Variants in RFC3 observed in about 807,000 individuals in gnomAD.
The protein encoded by RFC3 is replication factor C subunit 3, also known as A1 38 kDa subunit.
A neutral mutation model predicts 45.1 loss-of-function variants in RFC3; 41 were observed. The ratio of observed to expected loss-of-function variants is 0.91; its 90% CI spans 0.71 to 1.18. RFC3 has a LOEUF of 1.18. Ranked by LOEUF, RFC3 falls within the 50% of genes most tolerant of loss-of-function variation. The probability of loss-of-function intolerance (pLI) is 0.00; values close to 1 mark genes in which losing one functional copy is unlikely to be tolerated. For synonymous variants in RFC3, 149 were observed against 144.0 expected (o/e 1.03, Z -0.25); for missense variants, 423 against 428.1 (o/e 0.99, Z 0.10).
chr13:33,899,204 C>CAAAAAAAAAAAAAA lies in RFC3; in HGVS notation c.879+63999_879+64012dup, dbSNP rs59221382. Reference sequence around the variant, plus strand: ...AAAACCAGACGAAGACACAATAAGACAAAAAAAAAAAAAAAAAAAAAAAAA... The same window carrying CAAAAAAAAAAAAAA: ...AAAACCAGACGAAGACACAATAAGACAAAAAAAAAAAAAAAAAAAAAAAAAAAAAAAAAAAAAAA... On this transcript the variant is annotated intron_variant, in intron 8 of 8. Transcript: ENST00000434425. Among the ~76,000 whole-genome samples, 180 of 51,980 alleles carry CAAAAAAAAAAAAAA rather than the reference C, an allele frequency of 3.5e-3. 1 individual carries two copies. Among genetic ancestry groups the CAAAAAAAAAAAAAA allele is most frequent in the East Asian group, 8.9e-3 (14 of 1,572 alleles). 34.1% of individuals were successfully genotyped at this position (51,980 alleles called of 152,430 possible). A position where few individuals can be genotyped will look rare whatever the true frequency, so the allele number is the denominator to read the frequency against.
At chr13:33,969,103 C>T (rs1261012166), downstream of RFC3, among the ~76,000 whole-genome samples, 1 of 152,216 alleles carries the variant, frequency 6.6e-6, no homozygotes, top group Non-Finnish European at 1.5e-5. Flanking sequence ...GACAAGTAAA[C>T]ATTTTGCAGC....
intron 8 of RFC3, among the ~76,000 whole-genome samples, chr13:33,880,260 GAC>G (rs1396769145): frequency 1.3e-5 from 2 of 152,134 alleles, no homozygotes; most frequent in East Asian, 1.9e-4. Flanking sequence ...TTATATAAAA[GAC>G]AACAGGATTC....
intron 8 of RFC3, among the ~76,000 whole-genome samples, chr13:33,949,933 G>A (rs1367248038): frequency 6.6e-6 from 1 of 151,980 alleles, no homozygotes; most frequent in African/African-American, 2.4e-5. Flanking sequence ...GCTTATCCTG[G>A]GTCTCAAGCC....
chr13:33,840,649 T>C (rs995672993), downstream of RFC3, among the ~76,000 whole-genome samples: 4 of 152,036 alleles, frequency 2.6e-5, no homozygotes, highest in African/African-American at 9.6e-5. Context: ...CAGTTGATCC[T>C]TGAACTACAG....
At chr13:33,898,971 C>T (rs1316229420) in intron 8 of RFC3, among the ~76,000 whole-genome samples, 1 of 151,364 alleles carries the variant, frequency 6.6e-6, no homozygotes, top group South Asian at 2.1e-4. Context: ...TTAAAAACCT[C>T]CACAAACCAA....
chr13:33,914,532 A>G (rs1046729564), intron 8 of RFC3, among the ~76,000 whole-genome samples: 4 of 152,148 alleles, frequency 2.6e-5, no homozygotes, highest in African/African-American at 4.8e-5. Flanking sequence ...GCTTCTGTCA[A>G]TCAAGCACAA....
At chr13:33,842,929 G>T (rs190440930) in intron 8 of RFC3, among the ~76,000 whole-genome samples, 3 of 152,204 alleles carry the variant, frequency 2.0e-5, no homozygotes, top group Admixed American at 2.0e-4. Context: ...TTGTTCATGG[G>T]ATTTGTAGTT....
chr13:33,971,091 C>A (rs894023729), downstream of RFC3, among the ~76,000 whole-genome samples: 1 of 152,108 alleles, frequency 6.6e-6, no homozygotes, highest in Non-Finnish European at 1.5e-5. Context: ...TAACAAATAT[C>A]CATTATGCAG....
intron 8 of RFC3, among the ~76,000 whole-genome samples, chr13:33,872,103 T>G (rs1454587305): frequency 3.9e-5 from 6 of 152,202 alleles, no homozygotes; most frequent in Admixed American, 1.3e-4. Flanking sequence ...TTGCCTAATA[T>G]CTACTTGTTT....
At chr13:33,897,174 A>G (rs542131676) in intron 8 of RFC3, among the ~76,000 whole-genome samples, 2 of 152,254 alleles carry the variant, frequency 1.3e-5, no homozygotes, top group African/African-American at 4.8e-5. Flanking sequence ...AAAGACAAAT[A>G]TATCAAAAAC....
At chr13:33,970,952 T>C (rs1339584260), downstream of RFC3, among the ~76,000 whole-genome samples, 2 of 152,184 alleles carry the variant, frequency 1.3e-5, no homozygotes, top group Non-Finnish European at 2.9e-5. Flanking sequence ...TACACTTAAA[T>C]GGCAACAGCC....
chr13:33,907,514 G>A (rs1259397948), intron 8 of RFC3, among the ~76,000 whole-genome samples: 2 of 151,980 alleles, frequency 1.3e-5, no homozygotes, highest in African/African-American at 2.4e-5. Flanking sequence ...CTTTTCTTTA[G>A]TGAAGAAGAC....
intron 7 of RFC3, among the ~76,000 whole-genome samples, chr13:33,834,680 A>G (rs898439185): frequency 6.6e-6 from 1 of 152,070 alleles, no homozygotes; most frequent in African/African-American, 2.4e-5. Context: ...TTGACTTTTT[A>G]ATCTTTTCAT....
chr13:33,864,146 G>C (rs76185482), intron 8 of RFC3, among the ~76,000 whole-genome samples: 5 of 151,970 alleles, frequency 3.3e-5, no homozygotes, highest in South Asian at 2.1e-4. Context: ...GAGGTGCCAG[G>C]CTCCTTTAAA....
At chr13:33,976,516 A>G in the RFC3 span, among the ~76,000 whole-genome samples, 251 of 152,278 alleles carry the variant, frequency 1.6e-3, no homozygotes, top group African/African-American at 5.4e-3. Flanking sequence ...TAGGATAACT[A>G]TAGTTAACAA....
intron 8 of RFC3, among the ~76,000 whole-genome samples, chr13:33,936,589 G>A (rs1490750393): frequency 6.6e-6 from 1 of 152,124 alleles, no homozygotes; most frequent in African/African-American, 2.4e-5. Context: ...AACAGCACGT[G>A]AGGATAAAAG....
At chr13:33,967,287 A>T (rs1218283440), downstream of RFC3, among the ~76,000 whole-genome samples, 1 of 152,200 alleles carries the variant, frequency 6.6e-6, no homozygotes, top group Non-Finnish European at 1.5e-5. Context: ...TCTAATACCC[A>T]GTTAGTATTT....
intron 8 of RFC3, among the ~76,000 whole-genome samples, chr13:33,856,471 A>G (rs2082309625): frequency 6.6e-6 from 1 of 152,232 alleles, no homozygotes; most frequent in Non-Finnish European, 1.5e-5. Context: ...CTGCACATGT[A>G]TACCTGAACT....
At chr13:33,932,880 C>T (rs1396559060) in intron 8 of RFC3, among the ~76,000 whole-genome samples, 3 of 152,174 alleles carry the variant, frequency 2.0e-5, no homozygotes, top group Non-Finnish European at 4.4e-5. Context: ...TTTTGCTGTA[C>T]ATGTTTGCAA....
Sources: gnomAD v4.1 joint callset for allele counts (sites outside exome capture counted in the v4.1 genomes callset) on GRCh38, gnomAD v4.1.1 for gene constraint, MANE v1.5 for transcripts, NCBI Gene and HGNC (gene_info 2026-07-23, HGNC 2026-07-21) for gene names.